Variants in FAM91A1 observed in about 807,000 individuals in gnomAD.
FAM91A1 encodes family with sequence similarity 91 member A1.
In FAM91A1, 41 loss-of-function variants were observed where a neutral mutation model predicts 113.5. That is an observed-to-expected ratio of 0.36 (90% CI 0.28 to 0.47). The LOEUF is 0.47. Ranked by LOEUF, FAM91A1 falls within the 20% of genes least tolerant of loss-of-function variation. FAM91A1 has a pLI of 1.00. For missense variants in FAM91A1, 696 were observed against 1,001.2 expected (o/e 0.70, Z 4.11); for synonymous variants, 307 against 347.9 (o/e 0.88, Z 1.31).
At chr8:123,800,465 A>G (rs139611803) in intron 18 of FAM91A1, among the ~76,000 whole-genome samples, 2 of 152,330 alleles carry the variant, frequency 1.3e-5, no homozygotes, top group African/African-American at 4.8e-5. Context: ...AACTAAAACC[A>G]TGGAAAGCAA....
At chr8:123,778,561 T>C in intron 5 of FAM91A1, 98 bp from the exon 6 acceptor site, 2 of 766,604 alleles carry the variant, frequency 2.6e-6, no homozygotes, top group Non-Finnish European at 4.4e-6. Flanking sequence ...TAAGAAGATA[T>C]TTATTTAGTC....
rs1034232296 is a variant in FAM91A1 at position 123,778,293 on chromosome 8, A to G, written c.435+201A>G. 5.3e-5 allele frequency among the ~76,000 whole-genome samples: 8 copies of G among 152,208 alleles called. No homozygotes were observed. In the South Asian group the frequency reaches 8.3e-4, roughly 16 times the overall value. The stretch of plus-strand genomic sequence containing the variant: ...AAAATTTTTAATGCATAAAACATTT[A>G]TTTTTAAAAATTATTTTTGTTCTCT... On this transcript the variant is annotated intron_variant, in intron 5 of 23. Coordinates refer to ENST00000334705, the MANE Select transcript of FAM91A1 (RefSeq NM_144963.4).
intron 1 of FAM91A1, among the ~76,000 whole-genome samples, chr8:123,769,008 G>T (rs1232996686): frequency 2.0e-5 from 3 of 152,212 alleles, no homozygotes; most frequent in African/African-American, 7.2e-5. Context: ...CACAGGACTC[G>T]ACTGGCGCCT....
chr8:123,797,189 C>T (rs1198692130), intron 15 of FAM91A1, among the ~76,000 whole-genome samples: 3 of 152,058 alleles, frequency 2.0e-5, no homozygotes, highest in Admixed American at 1.3e-4. Context: ...AAAAGCAGTG[C>T]CAGAAAATAA....
At chr8:123,793,372 G>A (rs1374763481) in intron 15 of FAM91A1, among the ~76,000 whole-genome samples, 5 of 152,122 alleles carry the variant, frequency 3.3e-5, no homozygotes, top group African/African-American at 1.2e-4. Flanking sequence ...TACTTTGATG[G>A]TTGGAAATTG....
chr8:123,771,291 T>C (rs1814831502), intron 1 of FAM91A1, among the ~76,000 whole-genome samples: 1 of 152,196 alleles, frequency 6.6e-6, no homozygotes, highest in African/African-American at 2.4e-5. Context: ...TGGCTTTTAG[T>C]ATTTGTGGCT....
Position 123,774,147 on chromosome 8 carries a change from G to A in FAM91A1, c.140G>A (p.Arg47Gln), listed in dbSNP as rs778651860. The change falls in exon 2 of 24, where the codon CGA (arginine) becomes CAA (glutamine). Residue 47 changes from arginine (R) to glutamine (Q), a missense_variant. Coordinates refer to ENST00000334705, the MANE Select transcript of FAM91A1 (RefSeq NM_144963.4). ...CTGTACAGTATCCGCAATCAGTTAC[G>A]ATATAGAAATAACTTAGGTAAGTAG... is the stretch of plus-strand genomic sequence containing the variant. Reference protein sequence around the residue: ...VVLYSIRNQLRYRNNLVKHVK... With the variant: ...VVLYSIRNQLQYRNNLVKHVK... 2 of 1,608,014 alleles carry A rather than the reference G, an allele frequency of 1.2e-6. No individual in the cohort carries two copies. The highest frequency in any genetic ancestry group is 1.3e-5 in the African/African-American group (1 of 74,682).
Position 123,812,772 on chromosome 8 carries a change from C to A in FAM91A1, c.*68C>A, listed in dbSNP as rs1815989797. 2 of 1,309,242 alleles carry A rather than the reference C, an allele frequency of 1.5e-6. No individual in the cohort carries two copies. Among genetic ancestry groups the A allele is most frequent in the Non-Finnish European group, 2.0e-6 (2 of 986,088 alleles). 81.1% of individuals were successfully genotyped at this position (1,309,242 alleles called of 1,614,324 possible). A position where few individuals can be genotyped will look rare whatever the true frequency, so the allele number is the denominator to read the frequency against. ...TTTCTTAACGTTAGCTTTATAGTGT[C>A]AGCCACTAAAAAGCATCCTGCTGCT... On this transcript the variant is annotated 3_prime_UTR_variant, in exon 24 of 24. Transcript: ENST00000334705.
intron 18 of FAM91A1, among the ~76,000 whole-genome samples, chr8:123,801,704 G>T (rs934843189): frequency 2.0e-5 from 3 of 152,120 alleles, no homozygotes; most frequent in Non-Finnish European, 4.4e-5. Context: ...CTTAGGGGAG[G>T]TTCCTTAGAG....
In FAM91A1 at chr8:123,770,544, G is replaced by A. The variant is rs1477649379; in HGVS notation, c.72+1770G>A. On this transcript the variant is annotated intron_variant, in intron 1 of 23. Coordinates refer to ENST00000334705, the MANE Select transcript of FAM91A1 (RefSeq NM_144963.4). ...TTTAAAGGACACTTTTGTACTTTAG[G>A]GTTTTGTGGCAAATCCAAAGACACA... Among the ~76,000 whole-genome samples, 3 of 152,032 alleles carry A rather than the reference G, an allele frequency of 2.0e-5. No individual in the cohort carries two copies. The East Asian group carries it at 5.8e-4, about 29-fold the overall frequency.
Position 123,799,824 on chromosome 8 carries a change from C to A in FAM91A1, c.1748C>A (p.Pro583His), listed in dbSNP as rs539700506. ...TGGGGTCATGATCCTGGAGTAGTTCCTACCTCAAATGTGCTCACGATGTTG... is the reference window on the plus strand; with the variant it reads ...TGGGGTCATGATCCTGGAGTAGTTCATACCTCAAATGTGCTCACGATGTTG... ...TSWGHDPGVV[P>H]TSNVLTMLND... The change falls in exon 18 of 24, where the codon CCT becomes CAT. Residue 583 changes from proline to histidine, a missense_variant. Coordinates refer to ENST00000334705, the MANE Select transcript of FAM91A1 (RefSeq NM_144963.4). The A allele has an allele frequency of 1.2e-6, 2 of 1,609,928 alleles. No homozygotes were observed. The highest frequency in any genetic ancestry group is 2.7e-5 in the African/African-American group (2 of 74,990).
chr8:123,787,017 G>C (rs754072736), intron 12 of FAM91A1, among the ~76,000 whole-genome samples: 7 of 152,186 alleles, frequency 4.6e-5, no homozygotes, highest in Non-Finnish European at 1.0e-4. Flanking sequence ...CAGCCCGAGA[G>C]AATAGTGAGG....
chr8:123,778,865 T>C lies in FAM91A1; in HGVS notation c.549+93T>C, dbSNP rs1357247275. The C allele has an allele frequency of 4.8e-6, 4 of 826,840 alleles. No individual in the cohort carries two copies. In the East Asian group the frequency reaches 1.3e-4, roughly 26 times the overall value. The allele number at this position is 826,840 out of a possible 1,614,324, so 51.2% of individuals were successfully genotyped here. ...GCTTATAATTTTTTAAAAAGTAACATTGTTTTCCTGAAGAAAAGGAAACTT... is the reference window on the plus strand; with the variant it reads ...GCTTATAATTTTTTAAAAAGTAACACTGTTTTCCTGAAGAAAAGGAAACTT... On this transcript the variant is annotated intron_variant, in intron 6 of 23. Coordinates refer to ENST00000334705, the MANE Select transcript of FAM91A1 (RefSeq NM_144963.4).
intron 1 of FAM91A1, among the ~76,000 whole-genome samples, chr8:123,769,743 G>A (rs1167274836): frequency 2.6e-5 from 4 of 152,094 alleles, no homozygotes; most frequent in African/African-American, 9.7e-5. Flanking sequence ...GAATAAATAC[G>A]TAACATAGCA....
chr8:123,801,930 G>C (rs909104673), intron 18 of FAM91A1, among the ~76,000 whole-genome samples: 1 of 152,106 alleles, frequency 6.6e-6, no homozygotes, highest in African/African-American at 2.4e-5. Context: ...AACATGCCAG[G>C]GTCAATAAGC....
At chr8:123,797,118 T>G (rs927542176) in intron 15 of FAM91A1, among the ~76,000 whole-genome samples, 5 of 152,052 alleles carry the variant, frequency 3.3e-5, no homozygotes, top group Admixed American at 3.3e-4. Flanking sequence ...AGCTAATAGA[T>G]AGACACCTTG....
rs147823636 is a variant in FAM91A1 at position 123,783,938 on chromosome 8, A to C, written c.704-532A>C. The stretch of plus-strand genomic sequence containing the variant: ...CCCCAAAGAACGAGTTAGCCCAGTG[A>C]CTTCTGGTAAACATGATGGTCATGC... On this transcript the variant is annotated intron_variant, in intron 8 of 23. Transcript: ENST00000334705. 6.3e-3 allele frequency among the ~76,000 whole-genome samples: 957 copies of C among 152,314 alleles called. 8 individuals are homozygous for C. Among genetic ancestry groups the C allele is most frequent in the African/African-American group, 0.022 (904 of 41,576 alleles).
chr8:123,789,885 G>T, intron 15 of FAM91A1, 140 bp downstream of exon 15: 2 of 998,096 alleles, frequency 2.0e-6, no homozygotes, highest in Non-Finnish European at 2.8e-6. Context: ...CTAGAGGCCT[G>T]TTTTGTGAAT....
Position 123,774,079 on chromosome 8 carries a change from G to C in FAM91A1, c.73-1G>C. 6.2e-7 allele frequency: 1 copy of C among 1,604,990 alleles called. No individual in the cohort carries two copies. Among genetic ancestry groups the C allele is most frequent in the Middle Eastern group, 1.7e-4 (1 of 5,980 alleles). On this transcript the variant is annotated splice_acceptor_variant, in intron 1 of 23. Transcript: ENST00000334705. LOFTEE classifies it high-confidence loss of function. The stretch of plus-strand genomic sequence containing the variant: ...TAAAATCTTTTTGAAATTTCTCCTA[G>C]AGTCTTGGAAATTCACAGAGAGAAT...
Sources: gnomAD v4.1 joint callset for allele counts (sites outside exome capture counted in the v4.1 genomes callset) on GRCh38, gnomAD v4.1.1 for gene constraint, MANE v1.5 for transcripts, NCBI Gene and HGNC (gene_info 2026-07-23, HGNC 2026-07-21) for gene names.